Variants in EBF4 observed in about 807,000 individuals in gnomAD.
EBF4 encodes the protein transcription factor COE4.
Under a neutral mutation model 67.1 loss-of-function variants are expected in EBF4, and 34 were observed. That is an observed-to-expected ratio of 0.51 (90% confidence interval 0.39 to 0.67). EBF4 has a LOEUF of 0.67. Among genes scored for constraint, EBF4 ranks in the 30% least tolerant of loss-of-function variants. The pLI is 0.00. For missense variants in EBF4, 837 were observed against 873.3 expected, an observed-to-expected ratio of 0.96 and a Z score of 0.52; for synonymous variants, 387 against 377.7, an observed-to-expected ratio of 1.02 and a Z score of -0.29.
At chr20:2,752,121 G>T in exon 13 of EBF4, 1 of 1,465,606 alleles carries the variant, frequency 6.8e-7, no homozygotes, top group Non-Finnish European at 9.0e-7. Flanking sequence ...ACGTGGCCGA[G>T]GCTCTGTACA....
In EBF4 at chr20:2,705,980, G is replaced by T. The variant is rs777068022; in HGVS notation, c.301G>T (p.Gly101Trp). ...TCCCATCTTGTCCCTGCAGGAGCCC[G>T]GGGCGGAAAAGACTAACAATGGGAT... Residue 101 changes from glycine (G) to tryptophan (W), a missense_variant, in exon 3 of 17, where the codon GGG becomes TGG. Gly to Trp is a radical substitution (Grantham distance 184). Coordinates refer to ENST00000609451, the Ensembl canonical transcript of EBF4. The T allele has an allele frequency of 6.0e-5, 93 of 1,551,324 alleles. 2 individuals carry two copies. In the South Asian group the frequency reaches 1.0e-3, roughly 17 times the overall value.
intron 6 of EBF4, among the ~76,000 whole-genome samples, chr20:2,729,358 C>T (rs536991486): frequency 6.6e-6 from 1 of 152,304 alleles, no homozygotes; most frequent in Non-Finnish European, 1.5e-5. Context: ...TAAAGCCACC[C>T]CCACCAATGT....
At chr20:2,723,010 T>C (rs2087702615) in intron 6 of EBF4, among the ~76,000 whole-genome samples, 1 of 152,220 alleles carries the variant, frequency 6.6e-6, no homozygotes, top group South Asian at 2.1e-4. Flanking sequence ...CTTGATCTAT[T>C]GGAAACTGAT....
chr20:2,710,563 G>GTT (rs11475156), intron 6 of EBF4, among the ~76,000 whole-genome samples: 1,764 of 147,208 alleles, frequency 0.012, 31 homozygotes, highest in African/African-American at 0.037. Context: ...TACTGTACAT[G>GTT]TTTTTTTTTT....
At chr20:2,732,114 T>C (rs1324809857) in intron 6 of EBF4, among the ~76,000 whole-genome samples, 2 of 152,132 alleles carry the variant, frequency 1.3e-5, no homozygotes, top group South Asian at 2.1e-4. Context: ...TTTTTTTTTT[T>C]CTTTTGAGAC....
intron 16 of EBF4, 135 bp downstream of exon 16, chr20:2,759,119 T>C (rs2088288337): frequency 1.2e-6 from 1 of 868,282 alleles, no homozygotes. Flanking sequence ...GGTCCAAGTC[T>C]TCCTCCCCGG....
chr20:2,755,141 G>A lies in EBF4; in HGVS notation c.1541-486G>A, dbSNP rs2088221955. 6.0e-6 allele frequency: 1 copy of A among 165,942 alleles called. No individual in the cohort carries two copies. The highest frequency in any genetic ancestry group is 1.6e-4 in the South Asian group (1 of 6,224). 10.3% of individuals were successfully genotyped at this position (165,942 alleles called of 1,614,324 possible). A position where few individuals can be genotyped will look rare whatever the true frequency, so the allele number is the denominator to read the frequency against. On this transcript the variant is annotated intron_variant, in intron 14 of 16. Transcript: ENST00000609451. The surrounding 1 kb of genome is among the most constrained non-coding windows in gnomAD (Gnocchi z 4.7). ...GTTGGAGTGCTGTTTGTGATGCTGG[G>A]CAGAGAGGCTTATAACAGGAGCCTG...
intron 1 of EBF4, among the ~76,000 whole-genome samples, chr20:2,703,254 C>A (rs28566007): frequency 0.026 from 2,368 of 91,010 alleles, 61 homozygotes; most frequent in East Asian, 0.12. Flanking sequence ...AAGACCCTGT[C>A]TTAAAAAAAA....
intron 1 of EBF4, among the ~76,000 whole-genome samples, chr20:2,694,632 A>G (rs1007189630): frequency 6.6e-6 from 1 of 152,178 alleles, no homozygotes; most frequent in East Asian, 1.9e-4. Context: ...GGGAGGTGCC[A>G]GCTCTGCTGA....
At chr20:2,704,813 G>A (rs1242301335) in intron 1 of EBF4, among the ~76,000 whole-genome samples, 1 of 152,230 alleles carries the variant, frequency 6.6e-6, no homozygotes, top group Non-Finnish European at 1.5e-5. Flanking sequence ...CCAGTGCTTG[G>A]TGTATCACTG....
chr20:2,705,977 C>A, exon 3 of EBF4: 1 of 1,551,334 alleles, frequency 6.4e-7, no homozygotes, highest in Non-Finnish European at 8.7e-7. Flanking sequence ...CCTGCAGGAG[C>A]CCGGGGCGGA....
Position 2,751,797 on chromosome 20 carries a change from A to AGGGGCGGGGC in EBF4, c.1107+20_1107+29dup, listed in dbSNP as rs201079828. ...CCGAGAGGCTGCCCAAGGTACTCAGAGGGGCGGGGCGGGGCGGGGCTGAGG... is the reference window on the plus strand; with the variant it reads ...CCGAGAGGCTGCCCAAGGTACTCAGAGGGGCGGGGCGGGGCGGGGCGGGGCGGGGCTGAGG... On this transcript the variant is annotated intron_variant, in intron 11 of 16. Coordinates refer to ENST00000609451, the Ensembl canonical transcript of EBF4. This position sits in a 1 kb window ranked among gnomAD's most constrained non-coding sequence, Gnocchi z 5.2. 1 of 553,386 alleles carries AGGGGCGGGGC rather than the reference A, an allele frequency of 1.8e-6. No individual in the cohort carries two copies. The allele number at this position is 553,386 out of a possible 1,614,324, so 34.3% of individuals were successfully genotyped here.
At chr20:2,695,162 T>C (rs958102557) in intron 1 of EBF4, among the ~76,000 whole-genome samples, 11 of 151,926 alleles carry the variant, frequency 7.2e-5, no homozygotes, top group African/African-American at 2.7e-4. Flanking sequence ...TTTCTTAACA[T>C]GGCCCCCTCT....
At chr20:2,748,323 C>T (rs1296201295) in intron 6 of EBF4, among the ~76,000 whole-genome samples, 1 of 151,996 alleles carries the variant, frequency 6.6e-6, no homozygotes, top group Non-Finnish European at 1.5e-5. Context: ...GATCAGCACA[C>T]GGTGTGTATG....
chr20:2,731,747 G>A (rs1302691295), intron 6 of EBF4, among the ~76,000 whole-genome samples: 2 of 152,198 alleles, frequency 1.3e-5, no homozygotes, highest in East Asian at 1.9e-4. Flanking sequence ...GCAAACCCCT[G>A]TAATCTATGG....
At chr20:2,716,385 C>T (rs992954636) in intron 6 of EBF4, among the ~76,000 whole-genome samples, 4 of 151,764 alleles carry the variant, frequency 2.6e-5, no homozygotes, top group East Asian at 2.0e-4. Context: ...AAAAATCAGC[C>T]GGGTGTGGTG....
At chr20:2,699,733 T>G (rs1036495787) in intron 1 of EBF4, among the ~76,000 whole-genome samples, 13 of 152,374 alleles carry the variant, frequency 8.5e-5, no homozygotes, top group African/African-American at 2.9e-4. Flanking sequence ...TCACTAATGA[T>G]GCTAAGTGAA....
At chr20:2,752,227 A>T (rs1340032222) in exon 13 of EBF4, 2 of 1,348,086 alleles carry the variant, frequency 1.5e-6, no homozygotes, top group Non-Finnish European at 9.5e-7. Flanking sequence ...CCCGCTGGCC[A>T]TCGCCGTCGG....
At chr20:2,719,393 G>A (rs1016113708) in intron 6 of EBF4, among the ~76,000 whole-genome samples, 1 of 152,222 alleles carries the variant, frequency 6.6e-6, no homozygotes, top group African/African-American at 2.4e-5. Context: ...TCCTGCCTCC[G>A]CCTCCTGAGT....
Sources: allele counts gnomAD v4.1 joint callset (sites outside exome capture counted in the v4.1 genomes callset), GRCh38; gene constraint gnomAD v4.1.1; non-coding constraint Gnocchi (gnomAD v3.1); transcripts MANE v1.5; gene names NCBI Gene and HGNC (gene_info 2026-07-23, HGNC 2026-07-21).